Variants in GALNT9 observed in about 807,000 individuals in gnomAD.
The protein encoded by GALNT9 is polypeptide N-acetylgalactosaminyltransferase 9.
In GALNT9, 47 loss-of-function variants were observed where a neutral mutation model predicts 63.1. The observed-to-expected ratio is 0.75, with a 90% CI of 0.59 to 0.95. The LOEUF is 0.95. GALNT9 is among the 40% of genes least tolerant of loss of function. The probability of loss-of-function intolerance (pLI) is 0.00; values close to 1 mark genes in which losing one functional copy is unlikely to be tolerated. For synonymous variants in GALNT9, 396 were observed against 365.7 expected (o/e 1.08, Z -0.94); for missense variants, 829 against 874.8 (o/e 0.95, Z 0.66).
intron 9 of GALNT9, 139 bp from the exon 10 acceptor site, chr12:132,198,098 T>A: frequency 1.4e-6 from 1 of 706,920 alleles, no homozygotes; most frequent in Non-Finnish European, 2.3e-6. Flanking sequence ...CCGGGGACGC[T>A]GTTGCGGGCG....
chr12:132,320,335 G>C (rs1301000322), intron 1 of GALNT9, among the ~76,000 whole-genome samples: 1 of 152,230 alleles, frequency 6.6e-6, no homozygotes, highest in Non-Finnish European at 1.5e-5. Context: ...GGGTGCGGCA[G>C]ACACGGCCCA....
intron 1 of GALNT9, among the ~76,000 whole-genome samples, chr12:132,308,234 T>C (rs1270873896): frequency 6.6e-6 from 1 of 152,138 alleles, no homozygotes; most frequent in African/African-American, 2.4e-5. Context: ...GCCCTGCCCA[T>C]AGCTCAGCTG....
In GALNT9 at chr12:132,236,813, G is replaced by A. The variant is rs1437926978; in HGVS notation, c.1077+11097C>T. Among the ~76,000 whole-genome samples the A allele has an allele frequency of 2.0e-5, 3 of 152,166 alleles. No individual in the cohort carries two copies. Among genetic ancestry groups the A allele is most frequent in the Non-Finnish European group, 4.4e-5 (3 of 68,032 alleles). On this transcript the variant is annotated intron_variant, in intron 6 of 10. Transcript: ENST00000328957. The surrounding 1 kb of genome is among the most constrained non-coding windows in gnomAD (Gnocchi z 5.6). The stretch of plus-strand genomic sequence containing the variant: ...TGGTGATCCCTGTGGTCTATCCTGG[G>A]CATGGCGGCCCCTCATGCCCGTTTT...
rs1427017829 is a variant in GALNT9, at chr12:132,307,834, AAAAC to A, written c.238+21128_238+21131del. ...GGGCGACAGAGTGAGACTCCGTCTC[AAAAC>A]AAACAAACAACAACAACCACAAAAA... On this transcript the variant is annotated intron_variant, in intron 1 of 10. Transcript: ENST00000328957. 3.3e-5 allele frequency among the ~76,000 whole-genome samples: 5 copies of A among 152,080 alleles called. No homozygotes were observed. The East Asian group carries it at 7.7e-4, about 24-fold the overall frequency.
At chr12:132,314,106 C>T (rs1410326590) in intron 1 of GALNT9, among the ~76,000 whole-genome samples, 4 of 126,406 alleles carry the variant, frequency 3.2e-5, no homozygotes, top group Non-Finnish European at 6.8e-5. Context: ...CCCACCCACC[C>T]ATCCATCCAC....
intron 6 of GALNT9, among the ~76,000 whole-genome samples, chr12:132,233,048 C>T (rs1172142993): frequency 1.0e-3 from 3 of 2,904 alleles, no homozygotes; most frequent in Non-Finnish European, 1.4e-3. Flanking sequence ...CTCGATGGGG[C>T]GACAGAGGAG....
chr12:132,286,133 G>A lies in GALNT9; in HGVS notation c.419+117C>T. The A allele has an allele frequency of 8.0e-7, 1 of 1,253,280 alleles. No homozygotes were observed. Among genetic ancestry groups the A allele is most frequent in the Non-Finnish European group, 1.1e-6 (1 of 941,638 alleles). The allele number at this position is 1,253,280 out of a possible 1,614,324, so 77.6% of individuals were successfully genotyped here. A position where few individuals can be genotyped will look rare whatever the true frequency, so the allele number is the denominator to read the frequency against. On this transcript the variant is annotated intron_variant, in intron 2 of 10. Transcript: ENST00000328957. This position sits in a 1 kb window ranked among gnomAD's most constrained non-coding sequence, Gnocchi z 7.4. ...TGGGGGGCGGTCACTTCCCTGGCGG[G>A]CGTGGGGGCCGCTCACTTCCCCGGC...
intron 6 of GALNT9, among the ~76,000 whole-genome samples, chr12:132,243,426 T>TGGTTGGGGCCCCAGTCCTCCCCGTCC (rs1565997437): frequency 1.4e-5 from 2 of 142,426 alleles, no homozygotes; most frequent in African/African-American, 5.2e-5. Context: ...CCTCCTCGTC[T>TGGTTGGGGCCCCAGTCCTCCCCGTCC]TCCGGAGCTC....
intron 6 of GALNT9, among the ~76,000 whole-genome samples, chr12:132,225,929 CCA>C (rs1235082680): frequency 2.0e-5 from 3 of 146,586 alleles, no homozygotes; most frequent in African/African-American, 7.6e-5. Flanking sequence ...CATATACAAC[CCA>C]CACACACACC....
At position 132,295,701 on chromosome 12, in the gene GALNT9, C is replaced by A. The variant is rs530172516; in HGVS notation, c.239-9271G>T. Among the ~76,000 whole-genome samples, 26 of 152,366 alleles carry A rather than the reference C, an allele frequency of 1.7e-4. No homozygotes were observed. The South Asian group carries it at 5.4e-3, about 32-fold the overall frequency. ...TGGAGGGAGCGTGGCCCAGCCAGCA[C>A]CGTGATTCTGGACCGCCGGCCTCCA... On this transcript the variant is annotated intron_variant, in intron 1 of 10. Transcript: ENST00000328957.
rs751954230 is a variant in GALNT9 at position 132,203,633 on chromosome 12, C to T, written c.1135G>A (p.Glu379Lys). The change falls in exon 7 of 11, where the codon GAG becomes AAG. Residue 379 changes from glutamate (E) to lysine (K), a missense_variant. By Grantham distance (56) the Glu-to-Lys change is moderately conservative (BLOSUM62 1). Coordinates refer to ENST00000328957, the MANE Select transcript of GALNT9 (RefSeq NM_001122636.2). ...TTGTTGTAGGGCTTCCTGGTGCGCT[C>T]GATGTGGGCCACGCGGGAGCAGGGC... ...VLPCSRVAHI[E>K]RTRKPYNNDI... 5.5e-5 allele frequency: 88 copies of T among 1,613,746 alleles called. No homozygotes were observed. The highest frequency in any genetic ancestry group is 7.0e-5 in the Non-Finnish European group (83 of 1,179,854).
intron 6 of GALNT9, among the ~76,000 whole-genome samples, chr12:132,216,469 G>A (rs375610846): frequency 2.6e-5 from 4 of 152,364 alleles, no homozygotes; most frequent in East Asian, 1.9e-4. Context: ...CAGGCCCAGC[G>A]AGGAGCCAGG....
At chr12:132,304,530 C>T (rs1555244334) in intron 1 of GALNT9, among the ~76,000 whole-genome samples, 1 of 57,262 alleles carries the variant, frequency 1.7e-5, no homozygotes, top group Non-Finnish European at 3.0e-5. Flanking sequence ...GACACACCCT[C>T]ACCCGGGCAC....
chr12:132,227,268 C>T (rs886700264), intron 6 of GALNT9, among the ~76,000 whole-genome samples: 2 of 152,146 alleles, frequency 1.3e-5, no homozygotes, highest in Non-Finnish European at 2.9e-5. Flanking sequence ...TCAGCAGAAC[C>T]CCGGGGCACC....
chr12:132,327,034 G>A lies in GALNT9; in HGVS notation c.238+1932C>T, dbSNP rs943388100. ...CTGTGCCTGGCCTGCTGGTCACAGA[G>A]AGGAACGCAGCACAGCCTCATCACA... On this transcript the variant is annotated intron_variant, in intron 1 of 10. Coordinates refer to ENST00000328957, the MANE Select transcript of GALNT9 (RefSeq NM_001122636.2). The surrounding 1 kb of genome is among the most constrained non-coding windows in gnomAD (Gnocchi z 4.3). Among the ~76,000 whole-genome samples the A allele has an allele frequency of 2.6e-5, 4 of 152,188 alleles. No homozygotes were observed. The highest frequency in any genetic ancestry group is 6.5e-5 in the Admixed American group (1 of 15,284).
chr12:132,266,807 C>T (rs923655894), intron 2 of GALNT9, among the ~76,000 whole-genome samples: 1 of 152,236 alleles, frequency 6.6e-6, no homozygotes, highest in South Asian at 2.1e-4. Context: ...GCCAGCACAG[C>T]GTTGGCTGCT....
At chr12:132,260,857 G>T in intron 4 of GALNT9, 91 bp downstream of exon 4, 1 of 1,430,486 alleles carries the variant, frequency 7.0e-7, no homozygotes. Flanking sequence ...GGCCAACCCA[G>T]CGGCCAGGCT....
At chr12:132,200,048 T>C (rs982629973) in intron 8 of GALNT9, among the ~76,000 whole-genome samples, 1 of 151,684 alleles carries the variant, frequency 6.6e-6, no homozygotes, top group Non-Finnish European at 1.5e-5. Flanking sequence ...GAGGATGGAG[T>C]GGGCAGAGTA....
At chr12:132,211,851 G>C (rs1026938141) in intron 6 of GALNT9, among the ~76,000 whole-genome samples, 1 of 152,202 alleles carries the variant, frequency 6.6e-6, no homozygotes, top group Non-Finnish European at 1.5e-5. Flanking sequence ...AGCAGGCCAC[G>C]TGCTCACACA....
Sources: gnomAD v4.1 joint callset for allele counts (sites outside exome capture counted in the v4.1 genomes callset) on GRCh38, gnomAD v4.1.1 for gene constraint, Gnocchi (gnomAD v3.1) non-coding constraint, MANE v1.5 for transcripts, NCBI Gene and HGNC (gene_info 2026-07-23, HGNC 2026-07-21) for gene names.